The following PRKG1 variants were observed in gnomAD, a reference collection of about 807,000 sequenced individuals.
The protein encoded by PRKG1 is protein kinase cGMP-dependent 1.
In PRKG1, 35 loss-of-function variants were observed where a neutral mutation model predicts 88.1. That is an observed-to-expected ratio of 0.40 (90% CI 0.30 to 0.53). The LOEUF (loss-of-function observed/expected upper bound fraction) is 0.53. PRKG1 is among the 20% of genes least tolerant of loss of function. PRKG1 has a pLI of 0.59. For missense variants in PRKG1, 540 were observed against 839.8 expected (o/e 0.64, Z 4.41); for synonymous variants, 303 against 292.5 (o/e 1.04, Z -0.37).
At chr10:51,557,798 C>G (rs1837352180) in intron 3 of PRKG1, among the ~76,000 whole-genome samples, 1 of 152,030 alleles carries the variant, frequency 6.6e-6, no homozygotes, top group Admixed American at 6.6e-5. Context: ...ACATCTGTGT[C>G]AACTACTACA....
chr10:51,035,493 A>C (rs1433809952), intron 1 of PRKG1, among the ~76,000 whole-genome samples: 1 of 152,202 alleles, frequency 6.6e-6, no homozygotes, highest in Non-Finnish European at 1.5e-5. Context: ...ACCTGGCTTT[A>C]TTAACATAAC....
intron 2 of PRKG1, among the ~76,000 whole-genome samples, chr10:51,237,130 A>G (rs1436829619): frequency 6.6e-6 from 1 of 152,224 alleles, no homozygotes; most frequent in East Asian, 1.9e-4. Flanking sequence ...TGGACATTGA[A>G]TATTTCCATT....
At position 51,215,446 on chromosome 10, in the gene PRKG1, G is replaced by A. The variant is rs151336483; in HGVS notation, c.478+62116G>A. 9.8e-3 allele frequency among the ~76,000 whole-genome samples: 1,499 copies of A among 152,200 alleles called. 13 individuals carry two copies. The highest frequency in any genetic ancestry group is 0.015 in the Non-Finnish European group (1,034 of 68,006). On this transcript the variant is annotated intron_variant, in intron 2 of 17. Coordinates refer to ENST00000373980, the MANE Select transcript of PRKG1 (RefSeq NM_006258.4). ...AGGTCATATACATATTTTCTTAGGA[G>A]GAGTGAGAACAGGTGTTGAAATTTA...
chr10:51,138,134 A>T (rs1368778544), intron 1 of PRKG1, among the ~76,000 whole-genome samples: 1 of 152,206 alleles, frequency 6.6e-6, no homozygotes, highest in Non-Finnish European at 1.5e-5. Context: ...TTTAGTGGTT[A>T]AAATTATCTA....
At chr10:52,220,633 C>G (rs1339095618) in intron 9 of PRKG1, among the ~76,000 whole-genome samples, 1 of 152,074 alleles carries the variant, frequency 6.6e-6, no homozygotes, top group Non-Finnish European at 1.5e-5. Flanking sequence ...GTATTCTCAT[C>G]ATTTAGCTCC....
chr10:51,139,517 C>T (rs1845773807), intron 1 of PRKG1, among the ~76,000 whole-genome samples: 2 of 152,122 alleles, frequency 1.3e-5, no homozygotes, highest in Non-Finnish European at 2.9e-5. Context: ...TCTCTTGACC[C>T]CACCTCTAGG....
intron 3 of PRKG1, among the ~76,000 whole-genome samples, chr10:51,656,882 G>A (rs962812243): frequency 6.6e-6 from 1 of 152,076 alleles, no homozygotes; most frequent in Non-Finnish European, 1.5e-5. Flanking sequence ...CATAGAGTAA[G>A]GCAAATTTAA....
intron 2 of PRKG1, among the ~76,000 whole-genome samples, chr10:51,408,412 C>T (rs1156792197): frequency 6.6e-6 from 1 of 152,136 alleles, no homozygotes; most frequent in Non-Finnish European, 1.5e-5. Context: ...TATGGAATAC[C>T]ACAGTGGTGG....
intron 2 of PRKG1, among the ~76,000 whole-genome samples, chr10:51,158,889 C>A (rs1042054080): frequency 2.0e-5 from 3 of 152,014 alleles, no homozygotes; most frequent in African/African-American, 7.2e-5. Flanking sequence ...CATTTGTATA[C>A]TAACTCTAAG....
At chr10:51,998,169 TA>T (rs1374260632) in intron 5 of PRKG1, among the ~76,000 whole-genome samples, 1 of 152,222 alleles carries the variant, frequency 6.6e-6, no homozygotes, top group Non-Finnish European at 1.5e-5. Flanking sequence ...TTTTTCCCTT[TA>T]ATTGGTTAAT....
chr10:51,241,603 G>A (rs1839154293), intron 2 of PRKG1, among the ~76,000 whole-genome samples: 1 of 152,050 alleles, frequency 6.6e-6, no homozygotes, highest in South Asian at 2.1e-4. Context: ...TACAGATTAG[G>A]CCTGCAAACC....
chr10:51,158,537 A>T (rs1297326841), intron 2 of PRKG1, among the ~76,000 whole-genome samples: 3 of 152,000 alleles, frequency 2.0e-5, no homozygotes, highest in Non-Finnish European at 4.4e-5. Flanking sequence ...AAAAGAAAAA[A>T]AATTCAAGAT....
chr10:52,015,029 A>G (rs1903980), intron 5 of PRKG1, among the ~76,000 whole-genome samples: 76,676 of 151,968 alleles, frequency 0.5, 19,515 homozygotes, highest in East Asian at 0.59. Flanking sequence ...GCAAGCTGTT[A>G]GTAAATCTAC....
chr10:52,024,146 C>T (rs1845264268), intron 5 of PRKG1, among the ~76,000 whole-genome samples: 1 of 152,048 alleles, frequency 6.6e-6, no homozygotes, highest in African/African-American at 2.4e-5. Flanking sequence ...AGGATACAAA[C>T]AAATGGAAAA....
chr10:51,758,419 T>C (rs940452180), intron 3 of PRKG1, among the ~76,000 whole-genome samples: 2 of 152,226 alleles, frequency 1.3e-5, no homozygotes, highest in Non-Finnish European at 2.9e-5. Context: ...AGTCAGTGGG[T>C]TATTGGCCCT....
At chr10:52,049,068 TGCTGTGGTTTGCA>T (rs1289259610) in intron 5 of PRKG1, among the ~76,000 whole-genome samples, 5 of 152,152 alleles carry the variant, frequency 3.3e-5, no homozygotes, top group Non-Finnish European at 7.4e-5. Context: ...CAGGAGGCTT[TGCTGTGGTTTGCA>T]GCTGTGCTGG....
chr10:51,808,934 C>G (rs1341425735), intron 4 of PRKG1, among the ~76,000 whole-genome samples: 1 of 152,140 alleles, frequency 6.6e-6, no homozygotes, highest in Non-Finnish European at 1.5e-5. Context: ...GGAGCTGCCA[C>G]AGGCTAAAAA....
At chr10:51,358,580 T>G (rs1462497579) in intron 2 of PRKG1, among the ~76,000 whole-genome samples, 2 of 151,892 alleles carry the variant, frequency 1.3e-5, no homozygotes. Flanking sequence ...GTAAACAAGA[T>G]ATGTCCACTG....
At chr10:51,692,212 G>A (rs965973662) in intron 3 of PRKG1, among the ~76,000 whole-genome samples, 6 of 149,460 alleles carry the variant, frequency 4.0e-5, no homozygotes, top group Non-Finnish European at 8.8e-5. Context: ...AAGGCACCAA[G>A]CAAGCCCTAT....
Sources: allele counts gnomAD v4.1 joint callset (sites outside exome capture counted in the v4.1 genomes callset), GRCh38; gene constraint gnomAD v4.1.1; transcripts MANE v1.5; gene names NCBI Gene and HGNC (gene_info 2026-07-23, HGNC 2026-07-21).